The following PARP16 variants were observed in gnomAD, a reference collection of about 807,000 sequenced individuals.
PARP16 encodes poly(ADP-ribose) polymerase family member 16, also known as protein mono-ADP-ribosyltransferase PARP16.
A neutral mutation model predicts 35.0 loss-of-function variants in PARP16; 31 were observed. The observed-to-expected ratio is 0.88, with a 90% CI of 0.66 to 1.19. The LOEUF (loss-of-function observed/expected upper bound fraction) is 1.19, where lower values mean the gene tolerates loss of function less well. PARP16 is among the 50% of genes most tolerant of loss of function. The probability of loss-of-function intolerance (pLI) is 0.00; values close to 1 mark genes in which losing one functional copy is unlikely to be tolerated. For synonymous variants in PARP16, 162 were observed against 169.5 expected (o/e 0.96, Z 0.34); for missense variants, 424 against 411.2 (o/e 1.03, Z -0.27).
chr15:65,282,374 A>G (rs902670984), intron 1 of PARP16, among the ~76,000 whole-genome samples: 2 of 152,230 alleles, frequency 1.3e-5, no homozygotes, highest in South Asian at 4.1e-4. Flanking sequence ...TAGCCAGTCC[A>G]TTCCAGACCT....
In PARP16 at chr15:65,259,394, A is replaced by G; in HGVS notation, c.*13T>C. ...ACATAGTTGAGGTAGCCCCCACACC[A>G]GGCCCAGAAAGATTATCTTTTCGCA... On this transcript the variant is annotated 3_prime_UTR_variant, in exon 6 of 6. Coordinates refer to ENST00000649807, the MANE Select transcript of PARP16 (RefSeq NM_001316943.2). The G allele has an allele frequency of 6.2e-7, 1 of 1,614,000 alleles. No individual in the cohort carries two copies. Among genetic ancestry groups the G allele is most frequent in the Non-Finnish European group, 8.5e-7 (1 of 1,179,846 alleles).
Position 65,266,773 on chromosome 15 carries a change from A to C in PARP16, c.313-5T>G. The C allele has an allele frequency of 6.2e-7, 1 of 1,609,764 alleles. No individual in the cohort carries two copies. Among genetic ancestry groups the C allele is most frequent in the Non-Finnish European group, 8.5e-7 (1 of 1,176,696 alleles). On this transcript the variant is annotated splice_region_variant and splice_polypyrimidine_tract_variant and intron_variant, in intron 2 of 5. Transcript: ENST00000649807. ...CAGCTTTTGGATCTTTTCAAACTTGAAAACATGAAGAGCATCAAAATTTTA... is the reference window on the plus strand; with the variant it reads ...CAGCTTTTGGATCTTTTCAAACTTGCAAACATGAAGAGCATCAAAATTTTA...
downstream of PARP16, among the ~76,000 whole-genome samples, chr15:65,231,700 G>A (rs777671684): frequency 4.6e-5 from 7 of 152,138 alleles, no homozygotes; most frequent in East Asian, 3.9e-4. Context: ...TGCCCATCTC[G>A]GCCTCCCAAA....
At chr15:65,233,215 C>T (rs1365590036), downstream of PARP16, among the ~76,000 whole-genome samples, 1 of 151,538 alleles carries the variant, frequency 6.6e-6, no homozygotes, top group East Asian at 1.9e-4. Context: ...AGATTGAGAC[C>T]ATCCTGGCTA....
chr15:65,265,951 T>C (rs1241786507), intron 3 of PARP16, among the ~76,000 whole-genome samples: 2 of 152,150 alleles, frequency 1.3e-5, no homozygotes, highest in Non-Finnish European at 2.9e-5. Flanking sequence ...ATTTTTGAGA[T>C]GGAGTCTCAC....
At chr15:65,238,654 C>T (rs143059852) in intron 3 of PARP16, among the ~76,000 whole-genome samples, 179 of 152,324 alleles carry the variant, frequency 1.2e-3, no homozygotes, top group Non-Finnish European at 2.0e-3. Context: ...CATGTCGACT[C>T]TCATCCCCCT....
intron 1 of PARP16, among the ~76,000 whole-genome samples, chr15:65,272,825 T>C (rs1367494665): frequency 6.6e-6 from 1 of 152,128 alleles, no homozygotes; most frequent in South Asian, 2.1e-4. Flanking sequence ...CGCCAAGGGG[T>C]TGTCAGGAAG....
At chr15:65,257,864 G>A (rs1415190510), downstream of PARP16, among the ~76,000 whole-genome samples, 2 of 152,104 alleles carry the variant, frequency 1.3e-5, no homozygotes, top group African/African-American at 4.8e-5. Flanking sequence ...GAAAGCAGGG[G>A]CTTTCTGACT....
At chr15:65,262,479 T>C (rs1048390136) in intron 4 of PARP16, among the ~76,000 whole-genome samples, 25 of 152,186 alleles carry the variant, frequency 1.6e-4, no homozygotes, top group African/African-American at 5.5e-4. Context: ...CTATGACTGC[T>C]CTGCCTTTGA....
intron 3 of PARP16, among the ~76,000 whole-genome samples, chr15:65,235,421 C>A (rs2088850927): frequency 6.6e-6 from 1 of 152,032 alleles, no homozygotes; most frequent in Non-Finnish European, 1.5e-5. Flanking sequence ...GCATTTCTGT[C>A]ACATTCTGTT....
chr15:65,271,776 T>C (rs887602143), intron 1 of PARP16, among the ~76,000 whole-genome samples: 1 of 152,208 alleles, frequency 6.6e-6, no homozygotes, highest in African/African-American at 2.4e-5. Flanking sequence ...AGCGCTACAT[T>C]ACAAAGCCTT....
At chr15:65,270,180 C>T (rs538608411) in intron 2 of PARP16, among the ~76,000 whole-genome samples, 20 of 152,128 alleles carry the variant, frequency 1.3e-4, no homozygotes, top group Non-Finnish European at 2.6e-4. Context: ...AGGAAGAGCA[C>T]CAGAGCAGGA....
chr15:65,272,335 G>T (rs532153385), intron 1 of PARP16, among the ~76,000 whole-genome samples: 2 of 152,140 alleles, frequency 1.3e-5, no homozygotes, highest in Non-Finnish European at 2.9e-5. Context: ...AGGAAGAATC[G>T]GAATCCTGAA....
At chr15:65,244,285 T>C (rs906512976) in intron 3 of PARP16, among the ~76,000 whole-genome samples, 2 of 152,186 alleles carry the variant, frequency 1.3e-5, no homozygotes, top group African/African-American at 4.8e-5. Context: ...ATTGTTTACT[T>C]ACTATATTAG....
intron 2 of PARP16, among the ~76,000 whole-genome samples, chr15:65,248,702 C>A (rs12441021): frequency 1.4e-4 from 21 of 152,158 alleles, no homozygotes; most frequent in African/African-American, 4.3e-4. Context: ...CCCCTGGATC[C>A]CACACTGTCT....
intron 1 of PARP16, 103 bp from the exon 2 acceptor site, chr15:65,271,175 A>C: frequency 6.1e-5 from 66 of 1,081,260 alleles, no homozygotes; most frequent in Non-Finnish European, 8.8e-5. Flanking sequence ...TGCACGTCTC[A>C]AGGGATCTCC....
chr15:65,268,207 CAT>C (rs368089032), intron 2 of PARP16, among the ~76,000 whole-genome samples: 1 of 152,126 alleles, frequency 6.6e-6, no homozygotes, highest in Non-Finnish European at 1.5e-5. Flanking sequence ...GGGACATTAA[CAT>C]ATATATAGCA....
chr15:65,256,638 ACGT>A (rs1301211863), downstream of PARP16, among the ~76,000 whole-genome samples: 1 of 151,930 alleles, frequency 6.6e-6, no homozygotes, highest in East Asian at 1.9e-4. Context: ...CAATCTCCTG[ACGT>A]CGTGATCCTC....
Position 65,279,209 on chromosome 15 carries a change from T to TG in PARP16, c.174+7043_174+7044insC, listed in dbSNP as rs1555425514. On this transcript the variant is annotated intron_variant, in intron 1 of 5. Coordinates refer to ENST00000649807, the MANE Select transcript of PARP16 (RefSeq NM_001316943.2). Reference sequence around the variant, plus strand: ...TAGCTGATGGTGATGAAGATAATACTAAAACCTACAACCCTGAGTTGTTAG... The same window carrying TG: ...TAGCTGATGGTGATGAAGATAATACTGAAAACCTACAACCCTGAGTTGTTAG... Among the ~76,000 whole-genome samples the TG allele has an allele frequency of 5.3e-3, 806 of 152,188 alleles. 7 individuals carry two copies. The highest frequency in any genetic ancestry group is 0.018 in the African/African-American group (762 of 41,530).
Sources: allele counts gnomAD v4.1 joint callset (sites outside exome capture counted in the v4.1 genomes callset), GRCh38; gene constraint gnomAD v4.1.1; transcripts MANE v1.5; gene names NCBI Gene and HGNC (gene_info 2026-07-23, HGNC 2026-07-21).